The following NXPE2 variants were observed in gnomAD, a reference collection of about 807,000 sequenced individuals.
NXPE2 encodes the protein NXPE family member 2.
NXPE2 carries 34 observed loss-of-function variants against 34.4 expected under a neutral mutation model. The observed-to-expected ratio is 0.99, with a 90% CI of 0.75 to 1.31. The LOEUF (loss-of-function observed/expected upper bound fraction) is 1.31, where lower values mean the gene tolerates loss of function less well. Among genes scored for constraint, NXPE2 ranks in the 40% most tolerant of loss-of-function variants. The probability of loss-of-function intolerance (pLI) is 0.00; values close to 1 mark genes in which losing one functional copy is unlikely to be tolerated. For missense variants in NXPE2, 649 were observed against 672.5 expected, an observed-to-expected ratio of 0.97 and a Z score of 0.39; for synonymous variants, 235 against 231.3, an observed-to-expected ratio of 1.02 and a Z score of -0.15.
the NXPE2 span, among the ~76,000 whole-genome samples, chr11:114,713,015 G>A: frequency 6.6e-6 from 1 of 152,174 alleles, no homozygotes; most frequent in African/African-American, 2.4e-5. Context: ...CGAAGTGGAA[G>A]AAGCCAGTGA....
At chr11:114,809,228 A>G in the NXPE2 span, among the ~76,000 whole-genome samples, 2 of 151,664 alleles carry the variant, frequency 1.3e-5, no homozygotes, top group Non-Finnish European at 2.9e-5. Flanking sequence ...CAAACCCACA[A>G]CCAATATCAT....
At chr11:114,679,361 A>G (rs1175505435) in intron 1 of NXPE2, among the ~76,000 whole-genome samples, 6 of 151,932 alleles carry the variant, frequency 3.9e-5, no homozygotes, top group Admixed American at 3.9e-4. Flanking sequence ...AATAATCTAA[A>G]ACCTTGTTGT....
chr11:114,555,602 AAGT>A, the NXPE2 span, among the ~76,000 whole-genome samples: 70 of 152,144 alleles, frequency 4.6e-4, no homozygotes, highest in Non-Finnish European at 7.5e-4. Flanking sequence ...CACAATCAAT[AAGT>A]AGAATATTAC....
At chr11:114,667,042 T>C in the NXPE2 span, among the ~76,000 whole-genome samples, 1 of 152,102 alleles carries the variant, frequency 6.6e-6, no homozygotes, top group Non-Finnish European at 1.5e-5. Context: ...ATGTTTCTGT[T>C]TTCCTTGTAT....
chr11:114,639,842 A>T, the NXPE2 span, among the ~76,000 whole-genome samples: 1 of 110,936 alleles, frequency 9.0e-6, no homozygotes, highest in Non-Finnish European at 1.7e-5. Flanking sequence ...TATATTAAAT[A>T]TAAAATATAA....
At chr11:114,512,521 C>T in the NXPE2 span, among the ~76,000 whole-genome samples, 7 of 152,190 alleles carry the variant, frequency 4.6e-5, no homozygotes, top group Admixed American at 1.3e-4. Flanking sequence ...CTGGGGCTCG[C>T]GACAGTCGGG....
chr11:114,695,049 G>A (rs1414901418), intron 2 of NXPE2, among the ~76,000 whole-genome samples: 2 of 152,098 alleles, frequency 1.3e-5, no homozygotes, highest in African/African-American at 4.8e-5. Context: ...CTGGAACTGA[G>A]ATAGGCCTTT....
the NXPE2 span, among the ~76,000 whole-genome samples, chr11:114,662,479 A>C: frequency 6.6e-6 from 1 of 152,176 alleles, no homozygotes; most frequent in Non-Finnish European, 1.5e-5. Context: ...CAAGGACTGC[A>C]ACTTTTAGAT....
chr11:114,770,340 C>G, the NXPE2 span, among the ~76,000 whole-genome samples: 3 of 152,216 alleles, frequency 2.0e-5, no homozygotes, highest in Admixed American at 2.0e-4. Context: ...TCTTGCTGCA[C>G]TGTCTTTCCA....
the NXPE2 span, among the ~76,000 whole-genome samples, chr11:114,480,745 A>G: frequency 6.6e-6 from 1 of 152,200 alleles, no homozygotes; most frequent in South Asian, 2.1e-4. Context: ...GACCCTTATT[A>G]AATACCTTTA....
chr11:114,646,551 TATC>T, the NXPE2 span, among the ~76,000 whole-genome samples: 1 of 152,040 alleles, frequency 6.6e-6, no homozygotes, highest in Non-Finnish European at 1.5e-5. Flanking sequence ...AAAAGTGAGT[TATC>T]ATAAGTCAAA....
the NXPE2 span, among the ~76,000 whole-genome samples, chr11:114,577,148 AATAT>A: frequency 6.7e-4 from 91 of 136,800 alleles, 5 homozygotes. Context: ...TAATGTCATA[AATAT>A]ATATGTGTCA....
the NXPE2 span, among the ~76,000 whole-genome samples, chr11:114,600,854 AC>A: frequency 6.6e-6 from 1 of 152,072 alleles, no homozygotes; most frequent in African/African-American, 2.4e-5. Context: ...CTATTTTGAA[AC>A]TTTTCTATAA....
At chr11:114,504,865 T>G in the NXPE2 span, among the ~76,000 whole-genome samples, 8 of 152,266 alleles carry the variant, frequency 5.3e-5, no homozygotes, top group East Asian at 7.7e-4. Context: ...AGCAAGAGTT[T>G]GAAACCCAGC....
the NXPE2 span, among the ~76,000 whole-genome samples, chr11:114,642,438 G>A: frequency 1.9e-4 from 29 of 151,326 alleles, no homozygotes; most frequent in East Asian, 4.5e-3. Flanking sequence ...CCCAGCCCCC[G>A]ACAGGCCCAG....
At chr11:114,645,331 A>C in the NXPE2 span, among the ~76,000 whole-genome samples, 1 of 152,040 alleles carries the variant, frequency 6.6e-6, no homozygotes, top group Non-Finnish European at 1.5e-5. Context: ...AAAAAAACCC[A>C]GTCCCCAAAA....
At chr11:114,805,582 C>T in the NXPE2 span, among the ~76,000 whole-genome samples, 11 of 152,342 alleles carry the variant, frequency 7.2e-5, no homozygotes, top group Admixed American at 2.6e-4. Flanking sequence ...CACGGCGTCT[C>T]GCTCAGTGCT....
chr11:114,517,247 A>C, the NXPE2 span, among the ~76,000 whole-genome samples: 1 of 151,966 alleles, frequency 6.6e-6, no homozygotes, highest in Non-Finnish European at 1.5e-5. Context: ...GCTGTATGTA[A>C]ATTTTTTGGA....
At chr11:114,801,197 G>A in the NXPE2 span, among the ~76,000 whole-genome samples, 18,165 of 152,192 alleles carry the variant, frequency 0.12, 1,168 homozygotes, top group Middle Eastern at 0.16. Flanking sequence ...AAGGAAAAGA[G>A]AATATCAGAT....
Sources: gnomAD v4.1 joint callset for allele counts (sites outside exome capture counted in the v4.1 genomes callset) on GRCh38, gnomAD v4.1.1 for gene constraint, MANE v1.5 for transcripts, NCBI Gene and HGNC (gene_info 2026-07-23, HGNC 2026-07-21) for gene names.